DGKD: variants seen among roughly 807,000 people sequenced by gnomAD.
DGKD encodes the protein diacylglycerol kinase delta.
Under a neutral mutation model 154.4 loss-of-function variants are expected in DGKD, and 68 were observed. The ratio of observed to expected loss-of-function variants is 0.44; its 90% CI spans 0.36 to 0.54. The LOEUF is 0.54. DGKD is among the 20% of genes least tolerant of loss of function. DGKD has a pLI of 0.00. For synonymous variants in DGKD, 693 were observed against 638.0 expected (o/e 1.09, Z -1.30); for missense variants, 1,343 against 1,593.6 (o/e 0.84, Z 2.68).
intron 1 of DGKD, among the ~76,000 whole-genome samples, chr2:233,360,455 A>G (rs1482724882): frequency 1.3e-5 from 2 of 152,102 alleles, no homozygotes; most frequent in Middle Eastern, 3.4e-3. Context: ...GGGTCTCACT[A>G]TGTTGCCCAT....
At chr2:233,378,510 G>A (rs879297389) in intron 1 of DGKD, among the ~76,000 whole-genome samples, 17 of 151,826 alleles carry the variant, frequency 1.1e-4, no homozygotes, top group Non-Finnish European at 2.4e-4. Flanking sequence ...TCAGCCTCCC[G>A]AAGTTCTGGG....
chr2:233,449,930 C>T lies in DGKD; in HGVS notation c.1889-52C>T, dbSNP rs2063214391. On this transcript the variant is annotated intron_variant, in intron 15 of 29. Coordinates refer to ENST00000264057, the MANE Select transcript of DGKD (RefSeq NM_152879.3). This position sits in a 1 kb window ranked among gnomAD's most constrained non-coding sequence, Gnocchi z 5.3. ...AGGGGCCCTCCACCCAGCCTGACAG[C>T]GCCCTTGGCTTTGCACCCGCGTGCT... is the stretch of plus-strand genomic sequence containing the variant. 8.6e-6 allele frequency: 13 copies of T among 1,517,620 alleles called. No individual in the cohort carries two copies. Among genetic ancestry groups the T allele is most frequent in the South Asian group, 1.3e-5 (1 of 76,116 alleles). The allele number at this position is 1,517,620 out of a possible 1,614,324, so 94.0% of individuals were successfully genotyped here. A position where few individuals can be genotyped will look rare whatever the true frequency, so the allele number is the denominator to read the frequency against.
intron 16 of DGKD, 64 bp downstream of exon 16, chr2:233,450,195 G>T: frequency 6.6e-7 from 1 of 1,504,188 alleles, no homozygotes; most frequent in Non-Finnish European, 8.9e-7. Context: ...GACGTAGCGG[G>T]CTTGCCAGGG....
chr2:233,358,866 C>T (rs56082182), intron 1 of DGKD, among the ~76,000 whole-genome samples: 18,130 of 152,198 alleles, frequency 0.12, 1,259 homozygotes, highest in African/African-American at 0.18. Flanking sequence ...AACATTCATG[C>T]ACATGTTTTT....
intron 10 of DGKD, among the ~76,000 whole-genome samples, chr2:233,443,751 ACTC>A (rs2062972941): frequency 6.6e-6 from 1 of 151,890 alleles, no homozygotes; most frequent in South Asian, 2.1e-4. Flanking sequence ...AGCATAGACT[ACTC>A]TAATTTTTGA....
chr2:233,383,048 T>C (rs1241563575), intron 1 of DGKD, among the ~76,000 whole-genome samples: 1 of 151,614 alleles, frequency 6.6e-6, no homozygotes, highest in Non-Finnish European at 1.5e-5. Context: ...TTCTTTCTTT[T>C]TTTTTTTTTG....
chr2:233,384,713 C>A (rs115745681), intron 1 of DGKD, among the ~76,000 whole-genome samples: 688 of 152,286 alleles, frequency 4.5e-3, no homozygotes, highest in Non-Finnish European at 7.0e-3. Flanking sequence ...TCAGCTCCCC[C>A]CTTATGCGAG....
chr2:233,371,082 A>G (rs1702298595), intron 1 of DGKD, among the ~76,000 whole-genome samples: 1 of 152,078 alleles, frequency 6.6e-6, no homozygotes, highest in Non-Finnish European at 1.5e-5. Context: ...GGGTACGTAC[A>G]TGTGAGTTAA....
intron 1 of DGKD, among the ~76,000 whole-genome samples, chr2:233,362,146 T>C (rs1337196408): frequency 6.6e-6 from 1 of 151,800 alleles, no homozygotes; most frequent in Non-Finnish European, 1.5e-5. Context: ...CAAAATTAAC[T>C]AACCAAAAAA....
intron 3 of DGKD, among the ~76,000 whole-genome samples, chr2:233,421,225 C>T (rs2062103829): frequency 6.6e-6 from 1 of 152,122 alleles, no homozygotes; most frequent in Non-Finnish European, 1.5e-5. Flanking sequence ...AAGCTTGCTT[C>T]CACCCACAGT....
intron 1 of DGKD, among the ~76,000 whole-genome samples, chr2:233,364,487 T>C (rs1392786207): frequency 6.6e-6 from 1 of 152,208 alleles, no homozygotes; most frequent in Non-Finnish European, 1.5e-5. Flanking sequence ...AACAATGTCC[T>C]GTAGGTTAGA....
At chr2:233,394,228 T>G (rs760361963) in intron 3 of DGKD, among the ~76,000 whole-genome samples, 10 of 152,220 alleles carry the variant, frequency 6.6e-5, no homozygotes, top group Non-Finnish European at 1.5e-4. Flanking sequence ...TAATAAAGAT[T>G]AATAAAGTAG....
chr2:233,457,036 T>C lies in DGKD; in HGVS notation c.2472+41T>C, dbSNP rs756422558. The C allele has an allele frequency of 6.6e-6, 10 of 1,524,558 alleles. No homozygotes were observed. Among genetic ancestry groups the C allele is most frequent in the Non-Finnish European group, 9.1e-6 (10 of 1,098,806 alleles). The allele number at this position is 1,524,558 out of a possible 1,614,324, so 94.4% of individuals were successfully genotyped here. ...CTTGTCACCTGCAGGCTGGCCTCCA[T>C]CCATCAGCAGACTGCCAGGCCTATT... On this transcript the variant is annotated intron_variant, in intron 20 of 29. Coordinates refer to ENST00000264057, the MANE Select transcript of DGKD (RefSeq NM_152879.3). This position sits in a 1 kb window ranked among gnomAD's most constrained non-coding sequence, Gnocchi z 5.5.
intron 3 of DGKD, among the ~76,000 whole-genome samples, chr2:233,418,886 C>T (rs986321984): frequency 7.2e-5 from 11 of 152,204 alleles, no homozygotes; most frequent in Non-Finnish European, 1.6e-4. Flanking sequence ...GGAGCTCACC[C>T]GGACCTGGGC....
At chr2:233,414,635 C>T (rs2061913244) in intron 3 of DGKD, among the ~76,000 whole-genome samples, 2 of 152,290 alleles carry the variant, frequency 1.3e-5, no homozygotes, top group South Asian at 2.1e-4. Flanking sequence ...GTCCTGGGTC[C>T]TGTGGTACAG....
chr2:233,413,180 T>C (rs1458651750), intron 3 of DGKD, among the ~76,000 whole-genome samples: 1 of 152,174 alleles, frequency 6.6e-6, no homozygotes, highest in Non-Finnish European at 1.5e-5. Context: ...GGTGGATCAC[T>C]TGAGGCTAGG....
chr2:233,377,550 G>C (rs1477384950), intron 1 of DGKD, among the ~76,000 whole-genome samples: 4 of 152,112 alleles, frequency 2.6e-5, no homozygotes, highest in African/African-American at 9.7e-5. Flanking sequence ...CCTGTTGGTG[G>C]GTATTTGGGT....
At chr2:233,419,215 C>T (rs932484086) in intron 3 of DGKD, 1 of 985,536 alleles carries the variant, frequency 1.0e-6, no homozygotes, top group Admixed American at 6.1e-5. Flanking sequence ...GTGCCTCATC[C>T]TGCCCCCAGC....
At chr2:233,360,716 G>A (rs1178913771) in intron 1 of DGKD, among the ~76,000 whole-genome samples, 1 of 152,178 alleles carries the variant, frequency 6.6e-6, no homozygotes, top group African/African-American at 2.4e-5. Flanking sequence ...GTAAATCATC[G>A]TGAACTTAGG....
Sources: allele counts gnomAD v4.1 joint callset (sites outside exome capture counted in the v4.1 genomes callset), GRCh38; gene constraint gnomAD v4.1.1; non-coding constraint Gnocchi (gnomAD v3.1); transcripts MANE v1.5; gene names NCBI Gene and HGNC (gene_info 2026-07-23, HGNC 2026-07-21).